Variants in HHAT observed in about 807,000 individuals in gnomAD.
HHAT encodes hedgehog acyltransferase.
Under a neutral mutation model 70.8 loss-of-function variants are expected in HHAT, and 47 were observed. That is an observed-to-expected ratio of 0.66 (90% CI 0.53 to 0.85). The LOEUF (loss-of-function observed/expected upper bound fraction) is 0.85, where lower values mean the gene tolerates loss of function less well. Ranked by LOEUF, HHAT falls within the 40% of genes least tolerant of loss-of-function variation. The pLI is 0.00. For synonymous variants in HHAT, 228 were observed against 247.6 expected (o/e 0.92, Z 0.74); for missense variants, 609 against 604.8 (o/e 1.01, Z -0.07).
At chr1:210,421,444 A>G (rs929309152) in intron 7 of HHAT, among the ~76,000 whole-genome samples, 2 of 152,076 alleles carry the variant, frequency 1.3e-5, no homozygotes, top group African/African-American at 2.4e-5. Context: ...GGACTTTGGT[A>G]TATCATTTCT....
intron 1 of HHAT, among the ~76,000 whole-genome samples, chr1:210,344,967 T>A (rs925254560): frequency 1.3e-5 from 2 of 152,152 alleles, no homozygotes; most frequent in African/African-American, 2.4e-5. Flanking sequence ...CGCAACTTGC[T>A]TCCCCTTCTT....
intron 9 of HHAT, among the ~76,000 whole-genome samples, chr1:210,528,657 G>C (rs144975345): frequency 3.3e-5 from 5 of 152,330 alleles, no homozygotes; most frequent in African/African-American, 1.2e-4. Flanking sequence ...GGAAGGATCT[G>C]TTGTGAGGAA....
rs561160737 is a variant in HHAT, at chr1:210,456,291, C to T, written c.857-8214C>T. Among the ~76,000 whole-genome samples, 23 of 152,326 alleles carry T rather than the reference C, an allele frequency of 1.5e-4. 1 individual carries two copies. In the South Asian group the frequency reaches 4.6e-3, roughly 30 times the overall value. ...ATTAATGTTCCTCCAGCTTCTGACT[C>T]GTTGCCTTTTTTCCCCTTTCTGTCT... is the stretch of plus-strand genomic sequence containing the variant. On this transcript the variant is annotated intron_variant, in intron 7 of 11. Transcript: ENST00000261458.
chr1:210,458,305 C>G (rs189718328), intron 7 of HHAT, among the ~76,000 whole-genome samples: 35 of 152,260 alleles, frequency 2.3e-4, no homozygotes, highest in African/African-American at 8.4e-4. Context: ...TTCATTCTTT[C>G]ATTCCATTCA....
intron 8 of HHAT, among the ~76,000 whole-genome samples, chr1:210,491,063 T>TAGAGAG (rs145981858): frequency 2.0e-5 from 3 of 146,980 alleles, no homozygotes; most frequent in African/African-American, 7.7e-5. Flanking sequence ...CACACACACA[T>TAGAGAG]AGTGTGTGTG....
intron 8 of HHAT, among the ~76,000 whole-genome samples, chr1:210,495,883 C>G (rs2094629398): frequency 6.6e-6 from 1 of 151,848 alleles, no homozygotes; most frequent in Non-Finnish European, 1.5e-5. Flanking sequence ...TGGTGCATGC[C>G]TGTAATCCCA....
At chr1:210,661,634 A>G (rs955030622) in intron 11 of HHAT, among the ~76,000 whole-genome samples, 1 of 152,254 alleles carries the variant, frequency 6.6e-6, no homozygotes, top group African/African-American at 2.4e-5. Flanking sequence ...CACAATAGCA[A>G]AAACTTGGAA....
intron 9 of HHAT, among the ~76,000 whole-genome samples, chr1:210,516,824 G>A (rs369955459): frequency 2.0e-5 from 3 of 152,270 alleles, no homozygotes; most frequent in South Asian, 2.1e-4. Context: ...CTGGAATGAC[G>A]TAAATTTCCA....
chr1:210,441,972 G>C (rs1372536441), intron 7 of HHAT, among the ~76,000 whole-genome samples: 3 of 150,606 alleles, frequency 2.0e-5, no homozygotes, highest in African/African-American at 7.3e-5. Context: ...CTAGCATTAG[G>C]TATATCTCCC....
At chr1:210,445,277 T>A (rs2093612679) in intron 7 of HHAT, among the ~76,000 whole-genome samples, 1 of 152,224 alleles carries the variant, frequency 6.6e-6, no homozygotes, top group Non-Finnish European at 1.5e-5. Context: ...TTTGTCCAGA[T>A]AATCTACAAG....
intron 11 of HHAT, among the ~76,000 whole-genome samples, chr1:210,664,232 C>G (rs1030995977): frequency 1.3e-5 from 2 of 152,200 alleles, no homozygotes; most frequent in East Asian, 3.8e-4. Context: ...AAATTTAGCT[C>G]TGGAGGAAGG....
intron 9 of HHAT, among the ~76,000 whole-genome samples, chr1:210,522,600 C>T (rs1333839750): frequency 6.6e-6 from 1 of 152,162 alleles, no homozygotes; most frequent in Non-Finnish European, 1.5e-5. Context: ...CTCTCACATC[C>T]ACCCCTTCCT....
intron 9 of HHAT, among the ~76,000 whole-genome samples, chr1:210,551,472 C>T (rs2095527295): frequency 7.6e-6 from 1 of 131,746 alleles, no homozygotes; most frequent in Admixed American, 9.1e-5. Context: ...TCTGAGTAAC[C>T]CCCTAGGACA....
intron 9 of HHAT, among the ~76,000 whole-genome samples, chr1:210,515,632 C>T (rs1024644567): frequency 1.3e-5 from 2 of 151,884 alleles, no homozygotes; most frequent in African/African-American, 4.8e-5. Flanking sequence ...GTGGCGGGCT[C>T]CTGTAGTCCC....
chr1:210,674,249 A>C (rs1194499608), intron 11 of HHAT, 39 bp from the exon 12 acceptor site: 7 of 1,549,474 alleles, frequency 4.5e-6, no homozygotes, highest in Non-Finnish European at 6.2e-6. Context: ...TGCCCCAAGC[A>C]TTTCTAACTG....
At chr1:210,491,781 G>T (rs1184750079) in intron 8 of HHAT, among the ~76,000 whole-genome samples, 2 of 152,044 alleles carry the variant, frequency 1.3e-5, no homozygotes, top group African/African-American at 4.8e-5. Flanking sequence ...TTGTTTGTTT[G>T]AGATGGAGTC....
intron 6 of HHAT, among the ~76,000 whole-genome samples, chr1:210,411,782 C>T (rs917168147): frequency 2.0e-5 from 3 of 151,996 alleles, no homozygotes; most frequent in African/African-American, 7.2e-5. Context: ...AAAGACCTGT[C>T]CATTGGTCTA....
chr1:210,525,792 A>G (rs2095236818), intron 9 of HHAT, among the ~76,000 whole-genome samples: 2 of 152,228 alleles, frequency 1.3e-5, no homozygotes, highest in Non-Finnish European at 2.9e-5. Context: ...GGATATTTGC[A>G]ATGTAGAGAC....
chr1:210,575,233 C>A (rs925581458), intron 9 of HHAT, among the ~76,000 whole-genome samples: 40 of 152,042 alleles, frequency 2.6e-4, no homozygotes, highest in African/African-American at 9.2e-4. Context: ...GCTTTTAGTA[C>A]CCCCTACCCC....
Sources: allele counts gnomAD v4.1 joint callset (sites outside exome capture counted in the v4.1 genomes callset), GRCh38; gene constraint gnomAD v4.1.1; transcripts MANE v1.5; gene names NCBI Gene and HGNC (gene_info 2026-07-23, HGNC 2026-07-21).